DNAAF11: variants seen among roughly 807,000 people sequenced by gnomAD.
The protein encoded by DNAAF11 is dynein axonemal assembly factor 11.
DNAAF11 carries 45 observed loss-of-function variants against 60.8 expected under a neutral mutation model. The observed-to-expected ratio is 0.74, with a 90% confidence interval of 0.58 to 0.95. DNAAF11 has a LOEUF of 0.95. Among genes scored for constraint, DNAAF11 ranks in the 40% least tolerant of loss-of-function variants. The probability of loss-of-function intolerance (pLI) is 0.00; values close to 1 mark genes in which losing one functional copy is unlikely to be tolerated. For synonymous variants in DNAAF11, 191 were observed against 183.5 expected (o/e 1.04, Z -0.33); for missense variants, 546 against 546.2 (o/e 1.00, Z 0.00).
intron 8 of DNAAF11, among the ~76,000 whole-genome samples, chr8:132,612,242 T>G (rs1403297311): frequency 6.6e-6 from 1 of 152,186 alleles, no homozygotes; most frequent in Non-Finnish European, 1.5e-5. Context: ...GGAAGGAACA[T>G]GTATAGTGCC....
chr8:132,630,156 T>C (rs1027221381), intron 5 of DNAAF11, among the ~76,000 whole-genome samples: 1 of 152,160 alleles, frequency 6.6e-6, no homozygotes, highest in Non-Finnish European at 1.5e-5. Context: ...CTAAAACTCA[T>C]ACAGACAAGT....
intron 10 of DNAAF11, among the ~76,000 whole-genome samples, chr8:132,595,358 A>G (rs1279761546): frequency 1.4e-5 from 2 of 146,420 alleles, no homozygotes; most frequent in African/African-American, 5.0e-5. Flanking sequence ...GAAAAAAAAA[A>G]AAAAAAAAAA....
intron 3 of DNAAF11, among the ~76,000 whole-genome samples, chr8:132,656,267 AACAAAACCACCTTGTATAT>A (rs1823561922): frequency 6.6e-6 from 1 of 152,184 alleles, no homozygotes; most frequent in Non-Finnish European, 1.5e-5. Context: ...AGCAAAATGA[AACAAAACCACCTTGTATAT>A]ACCCAAGTGT....
intron 6 of DNAAF11, 140 bp from the exon 7 acceptor site, chr8:132,622,828 C>G: frequency 1.6e-6 from 1 of 636,036 alleles, no homozygotes; most frequent in African/African-American, 1.8e-5. Flanking sequence ...TCAACAATTC[C>G]TTGTTCTTAA....
chr8:132,689,258 G>A, the DNAAF11 span, among the ~76,000 whole-genome samples: 237 of 152,240 alleles, frequency 1.6e-3, no homozygotes, highest in Admixed American at 5.2e-3. Context: ...TTCTATTGAC[G>A]GGTTTTAGAA....
chr8:132,691,736 G>T, the DNAAF11 span, among the ~76,000 whole-genome samples: 2 of 152,044 alleles, frequency 1.3e-5, no homozygotes, highest in African/African-American at 4.8e-5. Flanking sequence ...AGAACAGCAT[G>T]GGGGAAACCA....
At chr8:132,577,016 T>C (rs1335498380) in intron 11 of DNAAF11, among the ~76,000 whole-genome samples, 1 of 152,196 alleles carries the variant, frequency 6.6e-6, no homozygotes, top group Non-Finnish European at 1.5e-5. Context: ...AATACATGTA[T>C]AGCAAAATGC....
intron 10 of DNAAF11, among the ~76,000 whole-genome samples, chr8:132,605,350 C>T (rs184319164): frequency 2.0e-5 from 3 of 152,122 alleles, no homozygotes; most frequent in East Asian, 1.9e-4. Context: ...TTTTCAGAGG[C>T]GGAATTTGAG....
intron 4 of DNAAF11, 104 bp from the exon 5 acceptor site, chr8:132,633,067 G>C: frequency 1.5e-6 from 1 of 657,954 alleles, no homozygotes; most frequent in Non-Finnish European, 2.6e-6. Flanking sequence ...GATAGTGATA[G>C]AGAATTAAAA....
intron 3 of DNAAF11, among the ~76,000 whole-genome samples, chr8:132,642,182 G>A (rs529719534): frequency 6.6e-6 from 1 of 152,210 alleles, no homozygotes; most frequent in Admixed American, 6.5e-5. Context: ...TATGCTCCAG[G>A]TATATAATAT....
intron 3 of DNAAF11, among the ~76,000 whole-genome samples, chr8:132,645,323 C>G (rs1282117184): frequency 6.6e-6 from 1 of 152,056 alleles, no homozygotes; most frequent in Admixed American, 6.5e-5. Flanking sequence ...ACACCAAAAC[C>G]CCATCTGTAC....
At chr8:132,644,689 C>G (rs1195799995) in intron 3 of DNAAF11, among the ~76,000 whole-genome samples, 1 of 152,202 alleles carries the variant, frequency 6.6e-6, no homozygotes, top group Non-Finnish European at 1.5e-5. Flanking sequence ...GATTATATCC[C>G]ATGCATGACT....
chr8:132,661,376 T>C, intron 2 of DNAAF11, 84 bp downstream of exon 2: 1 of 1,141,154 alleles, frequency 8.8e-7, no homozygotes, highest in Non-Finnish European at 1.2e-6. Flanking sequence ...TCAGTGATTG[T>C]CTTCTAAAAA....
intron 1 of DNAAF11, among the ~76,000 whole-genome samples, chr8:132,672,283 C>T (rs533694811): frequency 1.3e-5 from 2 of 152,244 alleles, no homozygotes; most frequent in African/African-American, 2.4e-5. Context: ...GACACTAGAT[C>T]TTCTCTAAAT....
At chr8:132,662,255 C>A (rs1265147486) in intron 1 of DNAAF11, among the ~76,000 whole-genome samples, 2 of 152,150 alleles carry the variant, frequency 1.3e-5, no homozygotes, top group African/African-American at 4.8e-5. Flanking sequence ...GGAGCTCCCA[C>A]CCCTCTGACA....
intron 10 of DNAAF11, among the ~76,000 whole-genome samples, chr8:132,595,510 G>A (rs1816918591): frequency 6.6e-6 from 1 of 152,006 alleles, no homozygotes; most frequent in Non-Finnish European, 1.5e-5. Context: ...AAAGCCATTG[G>A]TAGGTTTCAA....
chr8:132,675,286 A>T, intron 1 of DNAAF11, 198 bp downstream of exon 1: 1 of 535,164 alleles, frequency 1.9e-6, no homozygotes, highest in Non-Finnish European at 3.4e-6. Context: ...GAGCTGGAAA[A>T]GGCCAGGCTG....
At position 132,589,367 on chromosome 8, in the gene DNAAF11, A is replaced by G. The variant is rs191119275; in HGVS notation, c.1141-5588T>C. ...TTATTTCATGGCACTTGGACTTTGC[A>G]TAAGTGGTGATGAGAACTTTGCAGT... On this transcript the variant is annotated intron_variant, in intron 10 of 11. Transcript: ENST00000620350. Among the ~76,000 whole-genome samples, 35 of 152,312 alleles carry G rather than the reference A, an allele frequency of 2.3e-4. No homozygotes were observed. The East Asian group carries it at 6.4e-3, about 28-fold the overall frequency.
At chr8:132,575,451 T>C (rs914015184) in intron 11 of DNAAF11, among the ~76,000 whole-genome samples, 1 of 152,194 alleles carries the variant, frequency 6.6e-6, no homozygotes. Context: ...AGGTGCCCAG[T>C]GCTGTAATCA....
Sources: gnomAD v4.1 joint callset for allele counts (sites outside exome capture counted in the v4.1 genomes callset) on GRCh38, gnomAD v4.1.1 for gene constraint, MANE v1.5 for transcripts, NCBI Gene and HGNC (gene_info 2026-07-23, HGNC 2026-07-21) for gene names.